Variants in GDA observed in about 807,000 individuals in gnomAD.
The protein encoded by GDA is cytoplasmic PSD-95 interactor.
In GDA, 18 loss-of-function variants were observed where a neutral mutation model predicts 59.6. That is an observed-to-expected ratio of 0.30 (90% CI 0.21 to 0.45). GDA has a LOEUF of 0.45. GDA is among the 20% of genes least tolerant of loss of function. The probability of loss-of-function intolerance (pLI) is 1.00; values close to 1 mark genes in which losing one functional copy is unlikely to be tolerated. For missense variants in GDA, 427 were observed against 552.3 expected, an observed-to-expected ratio of 0.77 and a Z score of 2.27; for synonymous variants, 201 against 201.1, an observed-to-expected ratio of 1.00 and a Z score of 0.00.
chr9:72,162,190 G>T (rs143522679), intron 1 of GDA, among the ~76,000 whole-genome samples: 2 of 152,290 alleles, frequency 1.3e-5, no homozygotes, highest in Non-Finnish European at 2.9e-5. Context: ...TATGCTTGGA[G>T]CTCATGAGAG....
At chr9:72,245,058 C>A in intron 11 of GDA, 90 bp from the exon 12 acceptor site, 1 of 1,253,218 alleles carries the variant, frequency 8.0e-7, no homozygotes, top group Non-Finnish European at 1.1e-6. Context: ...CTCCTAGCGA[C>A]ATGTTGGCAA....
intron 1 of GDA, among the ~76,000 whole-genome samples, chr9:72,155,908 A>G (rs1465556867): frequency 6.6e-6 from 1 of 152,218 alleles, no homozygotes; most frequent in Non-Finnish European, 1.5e-5. Flanking sequence ...TAAAATAATT[A>G]CTATGGTCTA....
chr9:72,172,814 T>C (rs77672171), intron 1 of GDA, among the ~76,000 whole-genome samples: 9,736 of 152,298 alleles, frequency 0.064, 443 homozygotes, highest in Middle Eastern at 0.099. Context: ...CTCCCTCTTC[T>C]CTTTTCTTCT....
intron 6 of GDA, among the ~76,000 whole-genome samples, chr9:72,221,173 A>T (rs1836806991): frequency 6.6e-6 from 1 of 152,180 alleles, no homozygotes; most frequent in South Asian, 2.1e-4. Context: ...AATAGTGCTC[A>T]GGAAGGCTGT....
At chr9:72,160,774 A>C (rs1409446006) in intron 1 of GDA, among the ~76,000 whole-genome samples, 1 of 152,240 alleles carries the variant, frequency 6.6e-6, no homozygotes, top group Non-Finnish European at 1.5e-5. Flanking sequence ...TGATAAACCC[A>C]GGCCTGGCCT....
At chr9:72,203,406 G>T (rs1200796115) in intron 3 of GDA, among the ~76,000 whole-genome samples, 1 of 152,174 alleles carries the variant, frequency 6.6e-6, no homozygotes, top group Non-Finnish European at 1.5e-5. Flanking sequence ...GACACCACTA[G>T]AGGGAACTCT....
chr9:72,133,018 C>T (rs1238406499), intron 1 of GDA, among the ~76,000 whole-genome samples: 1 of 152,000 alleles, frequency 6.6e-6, no homozygotes, highest in Non-Finnish European at 1.5e-5. Context: ...TGGCCAGGTG[C>T]AGTGGCTCAC....
intron 8 of GDA, 132 bp from the exon 9 acceptor site, chr9:72,227,811 A>G: frequency 1.6e-6 from 1 of 620,364 alleles, no homozygotes; most frequent in Non-Finnish European, 2.9e-6. Flanking sequence ...CATATAGATC[A>G]TCATAAATGT....
At chr9:72,140,976 T>TAC (rs977926189) in intron 1 of GDA, among the ~76,000 whole-genome samples, 17 of 152,210 alleles carry the variant, frequency 1.1e-4, no homozygotes, top group African/African-American at 4.1e-4. Context: ...TGTCTGAACT[T>TAC]ACACATGCTC....
In GDA at chr9:72,228,017, A is replaced by G. The variant is rs1201218310; in HGVS notation, c.897A>G (p.Ala299=). The G allele has an allele frequency of 3.2e-6, 5 of 1,583,140 alleles. No homozygotes were observed. The highest frequency in any genetic ancestry group is 4.3e-6 in the Non-Finnish European group (5 of 1,152,604). ...NVFHERGASI[A]HCPNSNLSLS... The stretch of plus-strand genomic sequence containing the variant: ...TCCATGAACGAGGAGCATCCATCGC[A>G]CACTGTCCCAATTCTAATTTATCGT... The change falls in exon 9 of 14, where the codon GCA becomes GCG. Residue 299 remains alanine, a synonymous_variant. Coordinates refer to ENST00000358399, the MANE Select transcript of GDA (RefSeq NM_004293.5).
intron 1 of GDA, 82 bp downstream of exon 1, chr9:72,149,764 G>A (rs1388558385): frequency 2.8e-6 from 4 of 1,417,632 alleles, no homozygotes; most frequent in African/African-American, 3.0e-5. Context: ...CGCGTAGCCC[G>A]GGGTTCGCTC....
intron 5 of GDA, among the ~76,000 whole-genome samples, chr9:72,217,872 T>G (rs1320464645): frequency 2.6e-5 from 4 of 152,116 alleles, no homozygotes; most frequent in Non-Finnish European, 5.9e-5. Flanking sequence ...CTTAAGGATT[T>G]GACAAGAAAT....
In GDA at chr9:72,228,173, G is replaced by T. The variant is rs538752073; in HGVS notation, c.920+133G>T. ...GTGTTTGGCAGGACCCAGATAGATA[G>T]ACATTTACTCGTGCTGTTGAGGAGT... On this transcript the variant is annotated intron_variant, in intron 9 of 13. Transcript: ENST00000358399. 118 of 647,894 alleles carry T rather than the reference G, an allele frequency of 1.8e-4. No individual in the cohort carries two copies. In the South Asian group the frequency reaches 2.1e-3, roughly 11 times the overall value. The allele number at this position is 647,894 out of a possible 1,614,324, so 40.1% of individuals were successfully genotyped here.
At chr9:72,225,494 CATTAT>C (rs574794998) in intron 7 of GDA, among the ~76,000 whole-genome samples, 178 bp from the exon 8 acceptor site, 1,775 of 152,160 alleles carry the variant, frequency 0.012, 40 homozygotes, top group African/African-American at 0.041. Context: ...TTGTCATATA[CATTAT>C]ATTATCTATG....
chr9:72,136,524 G>A (rs1203098447), intron 1 of GDA, among the ~76,000 whole-genome samples: 2 of 152,240 alleles, frequency 1.3e-5, no homozygotes, highest in South Asian at 2.1e-4. Flanking sequence ...GTAGAATGAT[G>A]AATCTGATGG....
At chr9:72,258,403 C>T (rs1278028863), downstream of GDA, among the ~76,000 whole-genome samples, 1 of 152,180 alleles carries the variant, frequency 6.6e-6, no homozygotes, top group African/African-American at 2.4e-5. Context: ...GAGGCAGTCA[C>T]ACTTCTGAAG....
intron 1 of GDA, among the ~76,000 whole-genome samples, chr9:72,194,924 C>T (rs1303124260): frequency 6.6e-6 from 1 of 152,120 alleles, no homozygotes; most frequent in Non-Finnish European, 1.5e-5. Flanking sequence ...GCACTGAGTT[C>T]GGTGGCTCAT....
In GDA at chr9:72,249,850, T is replaced by C. The variant is rs2131878031; in HGVS notation, c.*1508T>C. The C allele has an allele frequency of 1.0e-6, 1 of 966,706 alleles. No individual in the cohort carries two copies. Among genetic ancestry groups the C allele is most frequent in the East Asian group, 1.1e-4 (1 of 8,734 alleles). The allele number at this position is 966,706 out of a possible 1,614,324, so 59.9% of individuals were successfully genotyped here. On this transcript the variant is annotated 3_prime_UTR_variant, in exon 14 of 14. Coordinates refer to ENST00000358399, the MANE Select transcript of GDA (RefSeq NM_004293.5). ...TATTTACAGAACAAAAAAACACAGT[T>C]CCCCCTCCTGTAGTATAAATTTTAT...
downstream of GDA, chr9:72,253,671 A>G (rs1164116362): frequency 1.3e-5 from 2 of 152,112 alleles, no homozygotes; most frequent in Non-Finnish European, 2.9e-5. Context: ...TGAGCACTTT[A>G]TTTTTCTCCT....
Sources: gnomAD v4.1 joint callset for allele counts (sites outside exome capture counted in the v4.1 genomes callset) on GRCh38, gnomAD v4.1.1 for gene constraint, MANE v1.5 for transcripts, NCBI Gene and HGNC (gene_info 2026-07-23, HGNC 2026-07-21) for gene names.